The following TIAM1 variants were observed in gnomAD, a reference collection of about 807,000 sequenced individuals.
The protein encoded by TIAM1 is TIAM Rac1 associated GEF 1.
TIAM1 carries 65 observed loss-of-function variants against 163.5 expected under a neutral mutation model. That is an observed-to-expected ratio of 0.40 (90% confidence interval 0.33 to 0.49). The LOEUF (loss-of-function observed/expected upper bound fraction) is 0.49, where lower values mean the gene tolerates loss of function less well. Ranked by LOEUF, TIAM1 falls within the 20% of genes least tolerant of loss-of-function variation. TIAM1 has a pLI of 0.77. For synonymous variants in TIAM1, 833 were observed against 810.1 expected (o/e 1.03, Z -0.48); for missense variants, 1,789 against 2,044.7 (o/e 0.87, Z 2.41).
intron 4 of TIAM1, among the ~76,000 whole-genome samples, chr21:31,253,929 A>G (rs1209662710): frequency 6.6e-6 from 1 of 152,204 alleles, no homozygotes; most frequent in Non-Finnish European, 1.5e-5. Flanking sequence ...TACAAGACAA[A>G]AGAAAATTTG....
At chr21:31,284,139 T>C (rs2073692534) in intron 2 of TIAM1, among the ~76,000 whole-genome samples, 1 of 152,216 alleles carries the variant, frequency 6.6e-6, no homozygotes, top group Non-Finnish European at 1.5e-5. Context: ...GTGAGAGAAC[T>C]AGGTAATCTA....
Position 31,124,677 on chromosome 21 carries a change from T to G in TIAM1, c.4151A>C (p.Lys1384Thr), listed in dbSNP as rs1462312226. Reference protein sequence around the residue: ...HLCCSSPESRKDFLKAVHSIL... With the variant: ...HLCCSSPESRTDFLKAVHSIL... The stretch of plus-strand genomic sequence containing the variant: ...TGAATGCACAGCCTTTAGGAAATCC[T>G]TTCGGCTCTCTGGGGAGCTAGGAAA... Residue 1384 changes from lysine (K) to threonine (T), a missense_variant, in exon 27 of 28, where the codon AAG (lysine) becomes ACG (threonine). Transcript: ENST00000541036. The G allele has an allele frequency of 6.3e-7, 1 of 1,588,954 alleles. No homozygotes were observed. The highest frequency in any genetic ancestry group is 2.3e-5 in the East Asian group (1 of 44,270).
At chr21:31,335,019 C>T (rs531482006) in intron 2 of TIAM1, among the ~76,000 whole-genome samples, 9 of 152,226 alleles carry the variant, frequency 5.9e-5, no homozygotes, top group East Asian at 3.9e-4. Flanking sequence ...AATGTTTACG[C>T]GACATGGGCA....
At chr21:31,297,556 G>C (rs1053889381) in intron 2 of TIAM1, among the ~76,000 whole-genome samples, 1 of 152,144 alleles carries the variant, frequency 6.6e-6, no homozygotes, top group Non-Finnish European at 1.5e-5. Flanking sequence ...CACAACGCAC[G>C]GCTAATTTTT....
At chr21:31,436,008 T>C (rs1049360165) in intron 2 of TIAM1, among the ~76,000 whole-genome samples, 2 of 152,210 alleles carry the variant, frequency 1.3e-5, no homozygotes, top group South Asian at 4.1e-4. Context: ...CAGTCTGTGG[T>C]ATTTTGTTAT....
intron 9 of TIAM1, 45 bp from the exon 10 acceptor site, chr21:31,213,517 G>C (rs749783567): frequency 5.4e-5 from 85 of 1,569,572 alleles, no homozygotes; most frequent in Non-Finnish European, 6.8e-5. Flanking sequence ...CTGGGCAACA[G>C]GGCAAACGAA....
At chr21:31,489,520 A>AAGGGAGGGAGGGAAGGAAGGGAGGG (rs2046391973) in intron 1 of TIAM1, among the ~76,000 whole-genome samples, 1 of 105,834 alleles carries the variant, frequency 9.4e-6, no homozygotes, top group African/African-American at 3.9e-5. Context: ...GGAGGGAAGG[A>AAGGGAGGGAGGGAAGGAAGGGAGGG]AGGGAGGGAG....
At chr21:31,470,356 A>G (rs957425136) in intron 1 of TIAM1, among the ~76,000 whole-genome samples, 4 of 148,934 alleles carry the variant, frequency 2.7e-5, no homozygotes, top group Non-Finnish European at 5.9e-5. Context: ...TCCTTGAGAC[A>G]GAGTTTCACT....
intron 2 of TIAM1, among the ~76,000 whole-genome samples, chr21:31,436,085 C>A (rs1023393630): frequency 6.6e-6 from 1 of 152,218 alleles, no homozygotes; most frequent in Non-Finnish European, 1.5e-5. Flanking sequence ...CATTTTATAT[C>A]TGTGAAGAAA....
chr21:31,279,050 T>TC (rs2073427953), intron 2 of TIAM1, among the ~76,000 whole-genome samples: 1 of 152,072 alleles, frequency 6.6e-6, no homozygotes, highest in Non-Finnish European at 1.5e-5. Flanking sequence ...TTTCTATACT[T>TC]TAAAAAAATT....
chr21:31,459,812 A>C (rs111273132), intron 2 of TIAM1, among the ~76,000 whole-genome samples: 16 of 151,934 alleles, frequency 1.1e-4, no homozygotes, highest in African/African-American at 3.9e-4. Context: ...TGCGTGGTAT[A>C]CTCTCTCTCA....
At chr21:31,183,902 C>A (rs1206993268) in intron 14 of TIAM1, among the ~76,000 whole-genome samples, 2 of 151,302 alleles carry the variant, frequency 1.3e-5, no homozygotes, top group African/African-American at 2.4e-5. Context: ...ACCATGTTGG[C>A]CAGGCTGGTC....
chr21:31,400,237 C>G (rs956635852), intron 2 of TIAM1, among the ~76,000 whole-genome samples: 5 of 151,990 alleles, frequency 3.3e-5, no homozygotes, highest in African/African-American at 1.2e-4. Flanking sequence ...AAGCAATTCT[C>G]CTACCTCAGC....
intron 2 of TIAM1, among the ~76,000 whole-genome samples, chr21:31,430,225 A>AAATATATATAT (rs1555978198): frequency 1.1e-5 from 1 of 90,280 alleles, no homozygotes; most frequent in African/African-American, 5.8e-5. Flanking sequence ...AAAAAAAAAA[A>AAATATATATAT]ATATATATAT....
At chr21:31,326,754 A>T (rs1256448458) in intron 2 of TIAM1, among the ~76,000 whole-genome samples, 1 of 152,212 alleles carries the variant, frequency 6.6e-6, no homozygotes, top group Non-Finnish European at 1.5e-5. Flanking sequence ...GTGGTGATTA[A>T]AGCGATTGCC....
intron 1 of TIAM1, among the ~76,000 whole-genome samples, chr21:31,479,114 C>G (rs2046026124): frequency 6.6e-6 from 1 of 152,220 alleles, no homozygotes; most frequent in Middle Eastern, 3.2e-3. Context: ...AGGACTGTCA[C>G]AACTGTGGTC....
At chr21:31,161,174 A>C (rs1433035056) in intron 16 of TIAM1, among the ~76,000 whole-genome samples, 1 of 152,188 alleles carries the variant, frequency 6.6e-6, no homozygotes, top group Non-Finnish European at 1.5e-5. Flanking sequence ...AGAAAAAGTC[A>C]TTCCTAATGG....
chr21:31,351,246 G>A (rs1415273494), intron 2 of TIAM1, among the ~76,000 whole-genome samples: 1 of 152,202 alleles, frequency 6.6e-6, no homozygotes, highest in African/African-American at 2.4e-5. Context: ...TTCATCTGAA[G>A]TCAGAAGGAG....
At chr21:31,172,853 A>G (rs2084582037) in intron 15 of TIAM1, among the ~76,000 whole-genome samples, 1 of 151,966 alleles carries the variant, frequency 6.6e-6, no homozygotes, top group Admixed American at 6.5e-5. Context: ...GGTGACAGAG[A>G]GAAACCCCAA....
Sources: gnomAD v4.1 joint callset for allele counts (sites outside exome capture counted in the v4.1 genomes callset) on GRCh38, gnomAD v4.1.1 for gene constraint, MANE v1.5 for transcripts, NCBI Gene and HGNC (gene_info 2026-07-23, HGNC 2026-07-21) for gene names.